MICOS13: variants seen among roughly 807,000 people sequenced by gnomAD.
MICOS13 encodes MICOS complex subunit MIC13.
In MICOS13, 15 loss-of-function variants were observed where a neutral mutation model predicts 16.1. The ratio of observed to expected loss-of-function variants is 0.93; its 90% CI spans 0.62 to 1.44. MICOS13 has a LOEUF of 1.44. MICOS13 is among the 40% of genes most tolerant of loss of function. The pLI is 0.00. For synonymous variants in MICOS13, 61 were observed against 62.6 expected, an observed-to-expected ratio of 0.97 and a Z score of 0.12; for missense variants, 164 against 155.0, an observed-to-expected ratio of 1.06 and a Z score of -0.31.
Position 5,679,355 on chromosome 19 carries a change from G to C in MICOS13, c.249C>G (p.Ser83=). ...AACTGGGTGCCTTACCTGCATTCCA[G>C]GAGTCACGGATGGGAAAGTAAATCT... ...PPKIYFPIRD[S]WNAGIMTVMS... Residue 83 remains serine, a synonymous_variant, in exon 3 of 4, where the codon TCC becomes TCG. Transcript: ENST00000309324. The C allele has an allele frequency of 6.2e-7, 1 of 1,613,546 alleles. No homozygotes were observed. The highest frequency in any genetic ancestry group is 8.5e-7 in the Non-Finnish European group (1 of 1,179,806).
At position 5,679,489 on chromosome 19, in the gene MICOS13, T is replaced by A. The variant is rs919508045; in HGVS notation, c.208-93A>T. 7 of 1,592,796 alleles carry A rather than the reference T, an allele frequency of 4.4e-6. No homozygotes were observed. The African/African-American group carries it at 9.4e-5, about 21-fold the overall frequency. On this transcript the variant is annotated intron_variant, in intron 2 of 3. Transcript: ENST00000309324. ...GAGGAGGACAGGCCGGAGAATCAGG[T>A]CAGCATCAATATGGAGGACAACATC...
intron 1 of MICOS13, 40 bp from the exon 2 acceptor site, chr19:5,679,803 C>G: frequency 6.5e-7 from 1 of 1,544,968 alleles, no homozygotes; most frequent in Non-Finnish European, 8.7e-7. Flanking sequence ...TCAGCGGACA[C>G]TGACAGCCAC....
rs780275097 is a variant in MICOS13, at chr19:5,680,447, C to G, written c.29+11G>C. On this transcript the variant is annotated intron_variant, in intron 1 of 3. Transcript: ENST00000309324. ...TCGGGGACTCGGGTCCCCTCCGGCG[C>G]CCCCACGCACCTCATCAGCGACCAC... is the stretch of plus-strand genomic sequence containing the variant. 1.9e-6 allele frequency: 3 copies of G among 1,612,906 alleles called. No individual in the cohort carries two copies. Among genetic ancestry groups the G allele is most frequent in the Non-Finnish European group, 2.5e-6 (3 of 1,179,870 alleles).
rs201289135 is a variant in MICOS13 at position 5,679,689 on chromosome 19, T to A, written c.104A>T (p.Asp35Val). Residue 35 changes from aspartate (D) to valine (V), a missense_variant, in exon 2 of 4, where the codon GAC becomes GTC. By Grantham distance (152) the Asp-to-Val change is radical. Transcript: ENST00000309324. ...VYDQELLGPS[D>V]KSQAALQKAG... Reference sequence around the variant, plus strand: ...CTTCTGTAGGGCTGCCTGGCTCTTGTCGCTGGGCCCCAGCAGCTCCTGGTC... The same window carrying A: ...CTTCTGTAGGGCTGCCTGGCTCTTGACGCTGGGCCCCAGCAGCTCCTGGTC... 1 of 1,610,432 alleles carries A rather than the reference T, an allele frequency of 6.2e-7. No individual in the cohort carries two copies. Among genetic ancestry groups the A allele is most frequent in the East Asian group, 2.2e-5 (1 of 44,864 alleles).
intron 1 of MICOS13, 122 bp from the exon 2 acceptor site, chr19:5,679,885 T>C: frequency 7.2e-7 from 1 of 1,381,908 alleles, no homozygotes; most frequent in East Asian, 2.5e-5. Flanking sequence ...TGACACTCTG[T>C]AGTGCAGCAC....
chr19:5,679,247 G>C (rs994831782), intron 3 of MICOS13, 98 bp downstream of exon 3: 1 of 1,289,074 alleles, frequency 7.8e-7, no homozygotes, highest in Non-Finnish European at 1.1e-6. Context: ...GACACGTGTC[G>C]GGCAGGAAGG....
At chr19:5,679,065 C>T in intron 3 of MICOS13, 1 of 438,158 alleles carries the variant, frequency 2.3e-6, no homozygotes, top group East Asian at 4.7e-5. Flanking sequence ...GTGTGCACCA[C>T]CACGCACGGT....
rs971510031 is a variant in MICOS13 at position 5,678,529 on chromosome 19, G to C, written c.*22C>G. On this transcript the variant is annotated 3_prime_UTR_variant, in exon 4 of 4. Transcript: ENST00000309324. Reference sequence around the variant, plus strand: ...GGCAGCCCTGCCCGTTCTGGCCGGGGCAGGCGGCCCCTGCTGACTCGCTAC... The same window carrying C: ...GGCAGCCCTGCCCGTTCTGGCCGGGCCAGGCGGCCCCTGCTGACTCGCTAC... The C allele has an allele frequency of 1.3e-6, 2 of 1,543,454 alleles. No homozygotes were observed. Among genetic ancestry groups the C allele is most frequent in the South Asian group, 1.2e-5 (1 of 83,876 alleles).
At chr19:5,678,746 G>T in intron 3 of MICOS13, 98 bp from the exon 4 acceptor site, 1 of 628,014 alleles carries the variant, frequency 1.6e-6, no homozygotes, top group Non-Finnish European at 2.6e-6. Context: ...GCGGTGGGGG[G>T]TGGGTGGGGG....
intron 1 of MICOS13, 187 bp downstream of exon 1, chr19:5,680,271 G>T (rs758409044): frequency 6.9e-6 from 11 of 1,592,112 alleles, no homozygotes; most frequent in Non-Finnish European, 9.4e-6. Flanking sequence ...GGAGGGAGGG[G>T]ATTGGCGACC....
rs919517955 is a variant in MICOS13, at chr19:5,679,774, G to C, written c.30-11C>G. On this transcript the variant is annotated splice_polypyrimidine_tract_variant and intron_variant, in intron 1 of 3. Transcript: ENST00000309324. ...CCCTTGATGAGGAACCTGCGGGCAG[G>C]GACGGGAGGAGCAGAAGCTCAGCGG... The C allele has an allele frequency of 6.3e-7, 1 of 1,586,492 alleles. No individual in the cohort carries two copies. The highest frequency in any genetic ancestry group is 8.5e-7 in the Non-Finnish European group (1 of 1,169,768).
chr19:5,678,730 T>TG, intron 3 of MICOS13, 82 bp from the exon 4 acceptor site: 1 of 969,808 alleles, frequency 1.0e-6, no homozygotes, highest in Non-Finnish European at 1.5e-6. Context: ...CTAGAGTTTG[T>TG]TTTGGGCGGT....
chr19:5,680,370 G>A, intron 1 of MICOS13, 88 bp downstream of exon 1: 1 of 1,604,760 alleles, frequency 6.2e-7, no homozygotes, highest in South Asian at 1.1e-5. Flanking sequence ...GGGAAGCGAA[G>A]AGCAGATCGG....
intron 1 of MICOS13, chr19:5,679,979 C>A: frequency 6.8e-7 from 1 of 1,465,718 alleles, no homozygotes; most frequent in South Asian, 1.3e-5. Flanking sequence ...AACTGATGAA[C>A]TGAAACCCAG....
intron 3 of MICOS13, 137 bp downstream of exon 3, chr19:5,679,208 G>T: frequency 2.1e-6 from 2 of 945,868 alleles, no homozygotes; most frequent in Non-Finnish European, 1.6e-6. Flanking sequence ...CACTGTGCTC[G>T]GCCTCCTTTC....
chr19:5,678,702 T>A, intron 3 of MICOS13, 54 bp from the exon 4 acceptor site: 3 of 923,040 alleles, frequency 3.3e-6, no homozygotes, highest in Non-Finnish European at 4.3e-6. Flanking sequence ...TCACCCAGCC[T>A]CCAACCCCTG....
At position 5,679,778 on chromosome 19, in the gene MICOS13, G is replaced by A; in HGVS notation, c.30-15C>T. On this transcript the variant is annotated splice_polypyrimidine_tract_variant and intron_variant, in intron 1 of 3. Coordinates refer to ENST00000309324, the MANE Select transcript of MICOS13 (RefSeq NM_205767.3). ...TGATGAGGAACCTGCGGGCAGGGAC[G>A]GGAGGAGCAGAAGCTCAGCGGACAC... The A allele has an allele frequency of 6.3e-7, 1 of 1,580,964 alleles. No individual in the cohort carries two copies. The highest frequency in any genetic ancestry group is 8.6e-7 in the Non-Finnish European group (1 of 1,167,212).
chr19:5,679,522 G>C, intron 2 of MICOS13, 64 bp downstream of exon 2: 1 of 1,595,102 alleles, frequency 6.3e-7, no homozygotes, highest in Non-Finnish European at 8.6e-7. Context: ...ATCGTGCAGG[G>C]CTGGAGGGAC....
At chr19:5,679,942 C>T in intron 1 of MICOS13, 179 bp from the exon 2 acceptor site, 1 of 1,382,298 alleles carries the variant, frequency 7.2e-7, no homozygotes, top group Non-Finnish European at 9.6e-7. Context: ...TTACAACGTG[C>T]AAGGCAGGGC....
Sources: gnomAD v4.1 joint callset for allele counts on GRCh38, gnomAD v4.1.1 for gene constraint, MANE v1.5 for transcripts, NCBI Gene and HGNC (gene_info 2026-07-23, HGNC 2026-07-21) for gene names.